The following AATF variants were observed in gnomAD, a reference collection of about 807,000 sequenced individuals.
AATF encodes the protein apoptosis antagonizing transcription factor, also known as protein AATF.
AATF carries 48 observed loss-of-function variants against 63.7 expected under a neutral mutation model. The ratio of observed to expected loss-of-function variants is 0.75; its 90% CI spans 0.60 to 0.96. The LOEUF is 0.96. AATF is among the 40% of genes least tolerant of loss of function. The pLI, the probability that AATF is intolerant of heterozygous loss-of-function variation, is 0.00. For missense variants in AATF, 639 were observed against 685.7 expected, an observed-to-expected ratio of 0.93 and a Z score of 0.76; for synonymous variants, 258 against 247.7, an observed-to-expected ratio of 1.04 and a Z score of -0.39.
intron 5 of AATF, 117 bp downstream of exon 5, chr17:36,986,848 T>G (rs1403399256): frequency 1.2e-6 from 1 of 821,744 alleles, no homozygotes. Context: ...TAAAATAGAG[T>G]CTCATATTTA....
intron 3 of AATF, 82 bp downstream of exon 3, chr17:36,953,378 T>C (rs769578086): frequency 6.7e-5 from 104 of 1,551,186 alleles, no homozygotes; most frequent in Middle Eastern, 1.8e-4. Flanking sequence ...TTTTGGCTAT[T>C]CTCTATCTCC....
chr17:36,967,563 A>G (rs552060080), intron 4 of AATF, among the ~76,000 whole-genome samples: 88 of 152,316 alleles, frequency 5.8e-4, no homozygotes, highest in African/African-American at 2.1e-3. Context: ...TCCAGCTGTC[A>G]TGCTGGGATG....
intron 3 of AATF, 149 bp downstream of exon 3, chr17:36,953,445 A>G: frequency 7.3e-7 from 1 of 1,377,520 alleles, no homozygotes; most frequent in Non-Finnish European, 9.6e-7. Context: ...CTAAAGCCCT[A>G]TTCCTGTATG....
chr17:37,056,328 T>C (rs1597748866), intron 11 of AATF: 1 of 441,570 alleles, frequency 2.3e-6, no homozygotes, highest in Non-Finnish European at 4.0e-6. Context: ...GTTTTCTTAC[T>C]TGAAGAGCCT....
intron 10 of AATF, among the ~76,000 whole-genome samples, chr17:37,027,702 T>C (rs75124613): frequency 0.031 from 4,693 of 152,298 alleles, 240 homozygotes; most frequent in African/African-American, 0.11. Flanking sequence ...ATTAGTGATA[T>C]GTATTTTTTT....
intron 2 of AATF, 60 bp downstream of exon 2, chr17:36,950,465 C>A: frequency 6.7e-7 from 1 of 1,490,666 alleles, no homozygotes; most frequent in Non-Finnish European, 9.2e-7. Flanking sequence ...GGTTAAAATC[C>A]TCCGGTCATC....
At chr17:36,998,606 G>T (rs1021614541) in intron 8 of AATF, 2 of 152,160 alleles carry the variant, frequency 1.3e-5, no homozygotes, top group Non-Finnish European at 2.9e-5. Context: ...ACATTTATTA[G>T]TCTGGGCACA....
intron 8 of AATF, among the ~76,000 whole-genome samples, chr17:37,009,022 A>G (rs1335603805): frequency 1.3e-5 from 2 of 152,240 alleles, no homozygotes; most frequent in Non-Finnish European, 2.9e-5. Context: ...GAGAAGAACC[A>G]ACTTTTTCCT....
intron 8 of AATF, among the ~76,000 whole-genome samples, chr17:36,994,532 G>T (rs1337333680): frequency 2.6e-5 from 4 of 152,196 alleles, no homozygotes; most frequent in African/African-American, 9.7e-5. Context: ...CTTCAGAAAA[G>T]CATTGCAGGA....
chr17:36,971,741 A>C (rs2071041048), intron 4 of AATF, among the ~76,000 whole-genome samples: 1 of 152,248 alleles, frequency 6.6e-6, no homozygotes, highest in Admixed American at 6.5e-5. Flanking sequence ...CTATTGATAC[A>C]TGCAAAAACG....
chr17:37,025,441 G>C (rs77161352), intron 10 of AATF, among the ~76,000 whole-genome samples: 2 of 152,280 alleles, frequency 1.3e-5, no homozygotes, highest in South Asian at 4.1e-4. Context: ...GTCAACATAC[G>C]TGAGCTAGAG....
intron 8 of AATF, among the ~76,000 whole-genome samples, chr17:37,007,771 G>A (rs1443396089): frequency 6.6e-6 from 1 of 152,162 alleles, no homozygotes; most frequent in Non-Finnish European, 1.5e-5. Flanking sequence ...AAGAAGGATG[G>A]CCAGGATTTT....
At chr17:37,049,466 G>A (rs143892071) in intron 11 of AATF, among the ~76,000 whole-genome samples, 11,561 of 152,110 alleles carry the variant, frequency 0.076, 1,468 homozygotes, top group African/African-American at 0.26. Flanking sequence ...TTAGCCAGGC[G>A]TGGTGGCGGG....
intron 11 of AATF, among the ~76,000 whole-genome samples, chr17:37,035,383 C>T (rs918098330): frequency 1.1e-4 from 17 of 151,138 alleles, no homozygotes; most frequent in East Asian, 4.0e-4. Flanking sequence ...CATGCACACA[C>T]GCCCTCCTTT....
chr17:36,992,472 G>A (rs1032027972), intron 8 of AATF, among the ~76,000 whole-genome samples: 2 of 152,050 alleles, frequency 1.3e-5, no homozygotes, highest in Admixed American at 6.5e-5. Flanking sequence ...TGAGATCACG[G>A]GAGACAATCA....
chr17:37,051,662 TA>T (rs1452688526), intron 11 of AATF, among the ~76,000 whole-genome samples: 1 of 149,760 alleles, frequency 6.7e-6, no homozygotes, highest in East Asian at 2.0e-4. Flanking sequence ...ACATAATAAA[TA>T]AGCCGAATCC....
rs2070843337 is a variant in AATF, at chr17:36,950,288, A to G, written c.166A>G (p.Ile56Val). 6.2e-7 allele frequency: 1 copy of G among 1,614,214 alleles called. No homozygotes were observed. ...GEGDFLVVGS[I>V]RKLASASLLD... ...AGGTGATTTCCTAGTAGTGGGTAGC[A>G]TTAGAAAACTGGCATCAGCCTCCCT... Residue 56 changes from isoleucine to valine, a missense_variant, in exon 2 of 12, where the codon ATT becomes GTT. Ile to Val is a conservative substitution (Grantham distance 29). Transcript: ENST00000619387.
intron 4 of AATF, among the ~76,000 whole-genome samples, chr17:36,961,056 A>G (rs1417580373): frequency 6.6e-6 from 1 of 152,124 alleles, no homozygotes; most frequent in African/African-American, 2.4e-5. Context: ...CACACCACAC[A>G]CTTTTTAAAA....
At chr17:37,004,964 A>C (rs1311057316) in intron 8 of AATF, among the ~76,000 whole-genome samples, 1 of 152,214 alleles carries the variant, frequency 6.6e-6, no homozygotes, top group African/African-American at 2.4e-5. Flanking sequence ...CTTGCCAACA[A>C]TTCCGAGATT....
Sources: allele counts gnomAD v4.1 joint callset (sites outside exome capture counted in the v4.1 genomes callset), GRCh38; gene constraint gnomAD v4.1.1; transcripts MANE v1.5; gene names NCBI Gene and HGNC (gene_info 2026-07-23, HGNC 2026-07-21).